The following PLEKHA5 variants were observed in gnomAD, a reference collection of about 807,000 sequenced individuals.
PLEKHA5 encodes pleckstrin homology domain containing A5.
In PLEKHA5, 55 loss-of-function variants were observed where a neutral mutation model predicts 181.9. The ratio of observed to expected loss-of-function variants is 0.30; its 90% CI spans 0.24 to 0.38. PLEKHA5 has a LOEUF of 0.38. Ranked by LOEUF, PLEKHA5 falls within the 10% of genes least tolerant of loss-of-function variation. The pLI, the probability that PLEKHA5 is intolerant of heterozygous loss-of-function variation, is 1.00. For synonymous variants in PLEKHA5, 535 were observed against 529.4 expected, an observed-to-expected ratio of 1.01 and a Z score of -0.15; for missense variants, 1,432 against 1,549.5, an observed-to-expected ratio of 0.92 and a Z score of 1.27.
chr12:19,206,045 T>C (rs1471144657), intron 3 of PLEKHA5, among the ~76,000 whole-genome samples: 1 of 152,132 alleles, frequency 6.6e-6, no homozygotes, highest in Non-Finnish European at 1.5e-5. Context: ...GTTACAGTTA[T>C]TCTGTATTCA....
intron 3 of PLEKHA5, chr12:19,176,351 C>G (rs2151765491): frequency 6.6e-6 from 1 of 151,382 alleles, no homozygotes; most frequent in East Asian, 1.9e-4. Context: ...CACAATCCCT[C>G]TAGTGATCAG....
intron 3 of PLEKHA5, among the ~76,000 whole-genome samples, chr12:19,156,950 T>C (rs954996004): frequency 1.3e-5 from 2 of 150,320 alleles, no homozygotes; most frequent in East Asian, 2.0e-4. Context: ...TCCCAGCTAC[T>C]TGGGGGGCTG....
chr12:19,214,118 T>C (rs1441713216), intron 3 of PLEKHA5, among the ~76,000 whole-genome samples: 3 of 151,920 alleles, frequency 2.0e-5, no homozygotes, highest in African/African-American at 7.3e-5. Context: ...GGTTTGGAGG[T>C]AGAACCATAA....
chr12:19,272,594 A>G (rs560525825), intron 10 of PLEKHA5, among the ~76,000 whole-genome samples: 1 of 152,150 alleles, frequency 6.6e-6, no homozygotes, highest in Non-Finnish European at 1.5e-5. Context: ...AAAATTAGCT[A>G]GGTGTGGTGG....
At chr12:19,145,114 A>ATAG (rs1392496444) in intron 3 of PLEKHA5, among the ~76,000 whole-genome samples, 8 of 152,150 alleles carry the variant, frequency 5.3e-5, no homozygotes, top group African/African-American at 1.9e-4. Flanking sequence ...AGTAATCAAG[A>ATAG]TAGTAGTGCC....
At chr12:19,267,297 T>C (rs1013941635) in intron 8 of PLEKHA5, among the ~76,000 whole-genome samples, 12 of 152,202 alleles carry the variant, frequency 7.9e-5, no homozygotes, top group South Asian at 6.2e-4. Context: ...GATTCAATTT[T>C]AAATTCCCAC....
intron 28 of PLEKHA5, among the ~76,000 whole-genome samples, chr12:19,361,374 A>C (rs1040477182): frequency 3.3e-5 from 5 of 150,130 alleles, no homozygotes; most frequent in African/African-American, 1.2e-4. Context: ...CAGTAGAGAC[A>C]GTGTTTCACC....
chr12:19,253,493 A>T (rs1412445437), intron 3 of PLEKHA5, among the ~76,000 whole-genome samples: 1 of 152,072 alleles, frequency 6.6e-6, no homozygotes, highest in Non-Finnish European at 1.5e-5. Flanking sequence ...CACTCTCAAT[A>T]GATAGTAGGA....
chr12:19,165,620 A>G (rs968747150), intron 3 of PLEKHA5, among the ~76,000 whole-genome samples: 1 of 152,164 alleles, frequency 6.6e-6, no homozygotes, highest in Admixed American at 6.5e-5. Context: ...TCTGAAGTAC[A>G]GAAGAGTTAA....
intron 3 of PLEKHA5, chr12:19,200,991 A>G (rs1311046574): frequency 6.6e-6 from 1 of 152,136 alleles, no homozygotes; most frequent in Non-Finnish European, 1.5e-5. Flanking sequence ...GAAAAAATTG[A>G]TAAATTAGAC....
At chr12:19,369,888 G>A (rs2095533154) in intron 31 of PLEKHA5, 90 bp downstream of exon 31, 1 of 689,140 alleles carries the variant, frequency 1.5e-6, no homozygotes, top group African/African-American at 1.8e-5. Context: ...ACTGGGATTA[G>A]TTCTGGACTG....
chr12:19,219,515 CT>C (rs11293939), intron 3 of PLEKHA5, among the ~76,000 whole-genome samples: 124,582 of 143,364 alleles, frequency 0.87, 54,857 homozygotes, highest in Non-Finnish European at 0.96. Context: ...TGTTTCCCTT[CT>C]TTTTTTTTTT....
chr12:19,149,880 T>A (rs926298122), intron 3 of PLEKHA5: 1 of 152,202 alleles, frequency 6.6e-6, no homozygotes, highest in Non-Finnish European at 1.5e-5. Context: ...CTGCTTTCTG[T>A]TGGCTAAAGG....
chr12:19,348,290 G>A, intron 24 of PLEKHA5, 109 bp from the exon 25 acceptor site: 2 of 747,578 alleles, frequency 2.7e-6, no homozygotes, highest in Non-Finnish European at 4.4e-6. Flanking sequence ...ATCCCAGATG[G>A]CTCACTAGGG....
At chr12:19,238,839 G>C (rs1363380224) in intron 3 of PLEKHA5, among the ~76,000 whole-genome samples, 1 of 148,144 alleles carries the variant, frequency 6.8e-6, no homozygotes, top group East Asian at 2.0e-4. Flanking sequence ...GCAATGAGCA[G>C]AGCTGTGGGG....
At chr12:19,139,456 A>G (rs1423102780) in intron 3 of PLEKHA5, among the ~76,000 whole-genome samples, 1 of 152,168 alleles carries the variant, frequency 6.6e-6, no homozygotes, top group Non-Finnish European at 1.5e-5. Context: ...CTAAATGACT[A>G]TCTAGCTATT....
chr12:19,258,841 A>C (rs1490277616), intron 6 of PLEKHA5, among the ~76,000 whole-genome samples: 1 of 152,050 alleles, frequency 6.6e-6, no homozygotes, highest in South Asian at 2.1e-4. Flanking sequence ...CTGGGATTAC[A>C]GGCGTGAGCC....
At chr12:19,315,477 T>G (rs2088274370) in intron 16 of PLEKHA5, among the ~76,000 whole-genome samples, 1 of 152,168 alleles carries the variant, frequency 6.6e-6, no homozygotes, top group African/African-American at 2.4e-5. Flanking sequence ...CCTATTGTTT[T>G]TCCTTATTCA....
In PLEKHA5 at chr12:19,359,827, T is replaced by G. The variant is rs191872759; in HGVS notation, c.3483+281T>G. On this transcript the variant is annotated intron_variant, in intron 28 of 31. Coordinates refer to ENST00000429027, the MANE Select transcript of PLEKHA5 (RefSeq NM_001256470.2). ...AAATGCAAAAAAAAATTAGCCGGGC[T>G]TGGTGGCAGGCTCCTGTAGTCCCAG... Among the ~76,000 whole-genome samples the G allele has an allele frequency of 3.3e-5, 5 of 151,138 alleles. No individual in the cohort carries two copies. In the East Asian group the frequency reaches 9.8e-4, roughly 30 times the overall value.
Sources: allele counts gnomAD v4.1 joint callset (sites outside exome capture counted in the v4.1 genomes callset), GRCh38; gene constraint gnomAD v4.1.1; transcripts MANE v1.5; gene names NCBI Gene and HGNC (gene_info 2026-07-23, HGNC 2026-07-21).